The following HHLA1 variants were observed in gnomAD, a reference collection of about 807,000 sequenced individuals.
HHLA1 encodes HHLA1 neighbor of OC90.
HHLA1 carries 72 observed loss-of-function variants against 69.9 expected under a neutral mutation model. That is an observed-to-expected ratio of 1.03 (90% CI 0.85 to 1.25). The LOEUF is 1.25. Ranked by LOEUF, HHLA1 falls within the 50% of genes most tolerant of loss-of-function variation. The pLI is 0.00. For synonymous variants in HHLA1, 252 were observed against 233.2 expected, an observed-to-expected ratio of 1.08 and a Z score of -0.73; for missense variants, 685 against 642.2, an observed-to-expected ratio of 1.07 and a Z score of -0.72.
chr8:132,098,443 C>A (rs941876437), intron 5 of HHLA1, among the ~76,000 whole-genome samples: 6 of 152,066 alleles, frequency 3.9e-5, no homozygotes, highest in Admixed American at 2.0e-4. Flanking sequence ...TAAGGTAGGA[C>A]AATGAATTCT....
chr8:132,073,243 T>C (rs1823579378), intron 14 of HHLA1, among the ~76,000 whole-genome samples: 2 of 152,198 alleles, frequency 1.3e-5, no homozygotes, highest in Non-Finnish European at 2.9e-5. Flanking sequence ...CCTCCCAAAG[T>C]GCTGGAATTA....
chr8:132,104,537 T>C (rs1259465151), intron 2 of HHLA1, among the ~76,000 whole-genome samples: 1 of 152,168 alleles, frequency 6.6e-6, no homozygotes, highest in Non-Finnish European at 1.5e-5. Context: ...AGCTGAGCTC[T>C]GAAGAATGAA....
chr8:132,081,241 A>T (rs1276811021), intron 10 of HHLA1: 1 of 152,174 alleles, frequency 6.6e-6, no homozygotes, highest in African/African-American at 2.4e-5. Flanking sequence ...TAGACAGAAG[A>T]TAGTAGGGAT....
Position 132,073,311 on chromosome 8 carries a change from C to T in HHLA1, c.1316-1818G>A, listed in dbSNP as rs746438542. ...TATTTATTTAAGTGGAGAAGGGGCT[C>T]ATAATGTTAGCAGAAGACTTTTTAA... On this transcript the variant is annotated intron_variant, in intron 14 of 16. Transcript: ENST00000414222. Among the ~76,000 whole-genome samples the T allele has an allele frequency of 4.6e-5, 7 of 152,080 alleles. No homozygotes were observed. The East Asian group carries it at 7.8e-4, about 17-fold the overall frequency.
chr8:132,104,817 G>T (rs1824176836), intron 2 of HHLA1, among the ~76,000 whole-genome samples: 1 of 152,158 alleles, frequency 6.6e-6, no homozygotes, highest in Non-Finnish European at 1.5e-5. Context: ...GGAGAGAAAA[G>T]AGGGAGGAAC....
At chr8:132,110,798 G>T (rs1327960370) in intron 1 of HHLA1, among the ~76,000 whole-genome samples, 1 of 152,206 alleles carries the variant, frequency 6.6e-6, no homozygotes, top group Non-Finnish European at 1.5e-5. Flanking sequence ...TTGGATTAAA[G>T]ATTATGTTTC....
At chr8:132,072,231 T>C (rs886714631) in intron 14 of HHLA1, among the ~76,000 whole-genome samples, 1 of 152,134 alleles carries the variant, frequency 6.6e-6, no homozygotes, top group Non-Finnish European at 1.5e-5. Flanking sequence ...TTATTTTTAA[T>C]AAAAATTCCA....
chr8:132,085,564 G>C (rs572930917), intron 10 of HHLA1: 9 of 256,854 alleles, frequency 3.5e-5, no homozygotes, highest in Non-Finnish European at 4.6e-5. Flanking sequence ...ATGCGCGTCC[G>C]TGTGAAGAGA....
chr8:132,071,615 AG>A, intron 14 of HHLA1, 122 bp from the exon 15 acceptor site: 1 of 834,270 alleles, frequency 1.2e-6, no homozygotes, highest in Non-Finnish European at 1.9e-6. Context: ...TGAGACAGAC[AG>A]GTAAACATAG....
At chr8:132,107,619 C>CT (rs1186477600) in intron 1 of HHLA1, among the ~76,000 whole-genome samples, 1 of 152,148 alleles carries the variant, frequency 6.6e-6, no homozygotes, top group Non-Finnish European at 1.5e-5. Flanking sequence ...AGATTTATTA[C>CT]TCGAAGACTA....
chr8:132,071,626 G>A (rs1823547105), intron 14 of HHLA1, 133 bp from the exon 15 acceptor site: 7 of 772,862 alleles, frequency 9.1e-6, no homozygotes, highest in Non-Finnish European at 1.4e-5. Flanking sequence ...GGTAAACATA[G>A]CATTCCTCAC....
chr8:132,078,505 G>C (rs1823685680), intron 11 of HHLA1, among the ~76,000 whole-genome samples: 1 of 152,160 alleles, frequency 6.6e-6, no homozygotes, highest in Non-Finnish European at 1.5e-5. Flanking sequence ...CTTGGCTCAT[G>C]CTATTTAATG....
intron 7 of HHLA1, among the ~76,000 whole-genome samples, 193 bp from the exon 8 acceptor site, chr8:132,089,792 A>C (rs1823919086): frequency 1.3e-5 from 2 of 152,182 alleles, no homozygotes; most frequent in Admixed American, 1.3e-4. Context: ...CCGGAAGGAA[A>C]CTTTGGATCC....
intron 15 of HHLA1, among the ~76,000 whole-genome samples, chr8:132,068,904 G>A (rs1368056869): frequency 6.6e-6 from 1 of 152,170 alleles, no homozygotes; most frequent in African/African-American, 2.4e-5. Context: ...TGAAGAGAAT[G>A]GGAGTTTAGA....
intron 15 of HHLA1, among the ~76,000 whole-genome samples, chr8:132,067,039 C>T (rs1435789628): frequency 2.0e-5 from 3 of 152,092 alleles, no homozygotes; most frequent in Non-Finnish European, 4.4e-5. Context: ...GTGTGGTAAC[C>T]CCGCATTAGC....
At chr8:132,068,248 C>A (rs1026096186) in intron 15 of HHLA1, among the ~76,000 whole-genome samples, 3 of 152,182 alleles carry the variant, frequency 2.0e-5, no homozygotes, top group Non-Finnish European at 4.4e-5. Flanking sequence ...AGCCAAAAAG[C>A]TGCCATTCTG....
At chr8:132,075,171 G>A (rs1451488534) in intron 14 of HHLA1, among the ~76,000 whole-genome samples, 1 of 152,044 alleles carries the variant, frequency 6.6e-6, no homozygotes, top group Admixed American at 6.5e-5. Context: ...ACTATTCACT[G>A]CAGGCTGAGA....
At chr8:132,093,977 C>T (rs1203275003) in intron 7 of HHLA1, among the ~76,000 whole-genome samples, 1 of 152,064 alleles carries the variant, frequency 6.6e-6, no homozygotes, top group East Asian at 1.9e-4. Flanking sequence ...AATATTTTCA[C>T]AATATTTGTT....
chr8:132,083,160 G>A (rs1252922560), intron 10 of HHLA1, among the ~76,000 whole-genome samples: 4 of 152,054 alleles, frequency 2.6e-5, no homozygotes, highest in African/African-American at 9.7e-5. Context: ...TATAGCTGTA[G>A]TCCAGGAATA....
Sources: allele counts gnomAD v4.1 joint callset (sites outside exome capture counted in the v4.1 genomes callset), GRCh38; gene constraint gnomAD v4.1.1; transcripts MANE v1.5; gene names NCBI Gene and HGNC (gene_info 2026-07-23, HGNC 2026-07-21).